The following ENTREP1 variants were observed in gnomAD, a reference collection of about 807,000 sequenced individuals.
The protein encoded by ENTREP1 is endosomal transmembrane epsin interactor 1, also known as Friedreich ataxia region gene X123.
chr9:69,328,743 A>G, the ENTREP1 span, among the ~76,000 whole-genome samples: 14 of 152,230 alleles, frequency 9.2e-5, no homozygotes, highest in Non-Finnish European at 2.1e-4. Flanking sequence ...CACATGCCAT[A>G]CAACTTACCC....
chr9:69,391,043 C>CA, the ENTREP1 span, among the ~76,000 whole-genome samples: 1 of 151,706 alleles, frequency 6.6e-6, no homozygotes, highest in Admixed American at 6.6e-5. Flanking sequence ...CTCAGCCTCC[C>CA]AAAGTGCTGG....
chr9:69,358,902 C>CTTTTTTTTTTTTTTTTTTTTTTTTTT, the ENTREP1 span, among the ~76,000 whole-genome samples: 2 of 96,368 alleles, frequency 2.1e-5, no homozygotes, highest in Non-Finnish European at 4.1e-5. Flanking sequence ...CTTTTTCTTT[C>CTTTTTTTTTTTTTTTTTTTTTTTTTT]TTTTTTTTTT....
At chr9:69,342,474 G>A in the ENTREP1 span, among the ~76,000 whole-genome samples, 4 of 152,166 alleles carry the variant, frequency 2.6e-5, no homozygotes, top group African/African-American at 9.7e-5. Flanking sequence ...TATCTTGTTT[G>A]TGAATGTCCA....
the ENTREP1 span, among the ~76,000 whole-genome samples, chr9:69,331,266 G>C: frequency 6.6e-6 from 1 of 152,138 alleles, no homozygotes. Flanking sequence ...AAATGATTCA[G>C]AACATTTTTG....
the ENTREP1 span, among the ~76,000 whole-genome samples, chr9:69,345,625 C>T: frequency 3.3e-5 from 5 of 152,126 alleles, no homozygotes; most frequent in African/African-American, 9.7e-5. Flanking sequence ...TCTTTTGAGA[C>T]GGAGTCTCAC....
At chr9:69,375,725 C>A in the ENTREP1 span, 7 of 1,600,218 alleles carry the variant, frequency 4.4e-6, no homozygotes, top group Admixed American at 1.2e-4. Flanking sequence ...TTTTACCTTT[C>A]CTCCGTTAAG....
chr9:69,324,597 A>G, the ENTREP1 span: 3 of 985,200 alleles, frequency 3.0e-6, no homozygotes, highest in Non-Finnish European at 3.6e-6. Flanking sequence ...GCTCCTACCG[A>G]GATGCCGGGA....
At chr9:69,369,491 T>G in the ENTREP1 span, among the ~76,000 whole-genome samples, 1 of 152,128 alleles carries the variant, frequency 6.6e-6, no homozygotes. Context: ...CTCTCCAGCA[T>G]TTGTTGTTTC....
the ENTREP1 span, among the ~76,000 whole-genome samples, chr9:69,337,816 T>C: frequency 6.6e-6 from 1 of 152,316 alleles, no homozygotes; most frequent in South Asian, 2.1e-4. Context: ...TATCTCTTAT[T>C]TTTATTTGTC....
At chr9:69,336,305 A>G in the ENTREP1 span, 1 of 1,330,010 alleles carries the variant, frequency 7.5e-7, no homozygotes, top group Non-Finnish European at 1.1e-6. Flanking sequence ...ACCCTTTATA[A>G]AATGTGCTAT....
At chr9:69,338,898 A>G in the ENTREP1 span, among the ~76,000 whole-genome samples, 1 of 152,248 alleles carries the variant, frequency 6.6e-6, no homozygotes, top group Non-Finnish European at 1.5e-5. Context: ...TGAAATGTTA[A>G]TTAGCATCAA....
At chr9:69,367,762 T>TACACATATATAAAAATATATATAC in the ENTREP1 span, among the ~76,000 whole-genome samples, 1 of 86,392 alleles carries the variant, frequency 1.2e-5, no homozygotes, top group African/African-American at 4.2e-5. Flanking sequence ...AATATATATA[T>TACACATATATAAAAATATATATAC]ACACATATAT....
the ENTREP1 span, among the ~76,000 whole-genome samples, chr9:69,372,611 A>T: frequency 1.3e-5 from 2 of 151,928 alleles, no homozygotes; most frequent in African/African-American, 4.8e-5. Flanking sequence ...GTTGGCCCCC[A>T]CTCTTGGTTA....
chr9:69,324,677 T>G, the ENTREP1 span: 37 of 984,854 alleles, frequency 3.8e-5, no homozygotes, highest in Non-Finnish European at 4.2e-5. Context: ...CTCGGCGTCG[T>G]CCTTCCCGAA....
chr9:69,383,797 G>A, the ENTREP1 span: 1 of 1,613,358 alleles, frequency 6.2e-7, no homozygotes, highest in East Asian at 2.2e-5. Context: ...TACATTGACT[G>A]CAAGTGGGAA....
At chr9:69,382,995 G>T in the ENTREP1 span, 3 of 982,186 alleles carry the variant, frequency 3.1e-6, no homozygotes, top group African/African-American at 5.3e-5. Flanking sequence ...GGTACCTTGG[G>T]CAGAGATTTG....
the ENTREP1 span, among the ~76,000 whole-genome samples, chr9:69,340,641 A>ATGTG: frequency 6.8e-5 from 3 of 44,268 alleles, no homozygotes; most frequent in African/African-American, 2.7e-4. Flanking sequence ...GTGTGCGTGC[A>ATGTG]TGTGTGTGTG....
At chr9:69,361,686 T>C in the ENTREP1 span, among the ~76,000 whole-genome samples, 1 of 152,238 alleles carries the variant, frequency 6.6e-6, no homozygotes, top group Non-Finnish European at 1.5e-5. Context: ...CCATTGTGGT[T>C]GTACCAATTT....
At chr9:69,368,546 A>C in the ENTREP1 span, among the ~76,000 whole-genome samples, 3 of 152,126 alleles carry the variant, frequency 2.0e-5, no homozygotes, top group African/African-American at 7.2e-5. Context: ...TGTTAGATTC[A>C]GTTTGCTAGC....
Sources: gnomAD v4.1 joint callset for allele counts (sites outside exome capture counted in the v4.1 genomes callset) on GRCh38, gnomAD v4.1.1 for gene constraint, MANE v1.5 for transcripts, NCBI Gene and HGNC (gene_info 2026-07-23, HGNC 2026-07-21) for gene names.